Variants in PPFIA2 observed in about 807,000 individuals in gnomAD.
The protein encoded by PPFIA2 is PPFI scaffold protein A2, also known as liprin-alpha-2.
Under a neutral mutation model 175.5 loss-of-function variants are expected in PPFIA2, and 46 were observed. The ratio of observed to expected loss-of-function variants is 0.26; its 90% CI spans 0.21 to 0.34. PPFIA2 has a LOEUF of 0.34. Among genes scored for constraint, PPFIA2 ranks in the 10% least tolerant of loss-of-function variants. PPFIA2 has a pLI of 1.00. For synonymous variants in PPFIA2, 568 were observed against 511.4 expected (o/e 1.11, Z -1.49); for missense variants, 1,179 against 1,506.1 (o/e 0.78, Z 3.60).
intron 4 of PPFIA2, among the ~76,000 whole-genome samples, chr12:81,467,136 A>G (rs2055812308): frequency 1.3e-5 from 2 of 152,012 alleles, no homozygotes; most frequent in South Asian, 2.1e-4. Context: ...GAGTTCTACT[A>G]TATCATTAGC....
intron 5 of PPFIA2, among the ~76,000 whole-genome samples, chr12:81,453,102 G>C (rs918506439): frequency 6.7e-6 from 1 of 149,162 alleles, no homozygotes; most frequent in African/African-American, 2.5e-5. Flanking sequence ...CCACTAACTC[G>C]TCATCTAGCA....
At chr12:81,376,211 G>A (rs2141732158) in intron 9 of PPFIA2, among the ~76,000 whole-genome samples, 1 of 152,210 alleles carries the variant, frequency 6.6e-6, no homozygotes. Context: ...TGTAGAATTG[G>A]CATTCTTGTA....
intron 3 of PPFIA2, among the ~76,000 whole-genome samples, chr12:81,745,934 T>C (rs1460953491): frequency 6.7e-6 from 1 of 149,216 alleles, no homozygotes; most frequent in African/African-American, 2.4e-5. Context: ...GTAGACTATG[T>C]ACAACAAACA....
intron 4 of PPFIA2, among the ~76,000 whole-genome samples, chr12:81,560,979 T>G (rs1594951640): frequency 6.6e-6 from 1 of 152,148 alleles, no homozygotes; most frequent in African/African-American, 2.4e-5. Context: ...TTTAAATCAA[T>G]GAGCTTTGTT....
chr12:81,662,954 C>T (rs1596152913), intron 4 of PPFIA2, among the ~76,000 whole-genome samples: 2 of 152,290 alleles, frequency 1.3e-5, no homozygotes, highest in South Asian at 2.1e-4. Flanking sequence ...ACAAAAACCA[C>T]ATGATTATCT....
At chr12:81,359,483 C>CTAGTCTTT (rs1339906229) in intron 15 of PPFIA2, among the ~76,000 whole-genome samples, 2 of 151,556 alleles carry the variant, frequency 1.3e-5, no homozygotes, top group Non-Finnish European at 2.9e-5. Context: ...TCATAAAGGA[C>CTAGTCTTT]ACAACTCTGT....
At chr12:81,661,164 A>G (rs1356766326) in intron 4 of PPFIA2, among the ~76,000 whole-genome samples, 2 of 152,326 alleles carry the variant, frequency 1.3e-5, no homozygotes, top group East Asian at 3.9e-4. Flanking sequence ...ACCAGCTAAC[A>G]TCATAATGAC....
At chr12:81,490,978 G>C (rs1194774722) in intron 4 of PPFIA2, among the ~76,000 whole-genome samples, 1 of 151,886 alleles carries the variant, frequency 6.6e-6, no homozygotes, top group Non-Finnish European at 1.5e-5. Flanking sequence ...CTTCTGCCAT[G>C]TCCCATCTGA....
intron 4 of PPFIA2, among the ~76,000 whole-genome samples, chr12:81,636,002 A>G (rs1168549100): frequency 6.6e-6 from 1 of 152,152 alleles, no homozygotes; most frequent in East Asian, 1.9e-4. Flanking sequence ...TATTTATGCA[A>G]AACATTTTAC....
intron 4 of PPFIA2, among the ~76,000 whole-genome samples, chr12:81,642,639 T>G (rs200549712): frequency 3.4e-4 from 48 of 140,848 alleles, no homozygotes; most frequent in South Asian, 4.3e-4. Context: ...ATATCTATTA[T>G]ATACATACAT....
chr12:81,453,497 C>T (rs908395511), intron 5 of PPFIA2, among the ~76,000 whole-genome samples: 2 of 151,874 alleles, frequency 1.3e-5, no homozygotes, highest in African/African-American at 4.8e-5. Flanking sequence ...ATAAATATAA[C>T]CTTCTGTAAA....
intron 3 of PPFIA2, among the ~76,000 whole-genome samples, chr12:81,684,000 C>T (rs1177230550): frequency 6.6e-6 from 1 of 152,076 alleles, no homozygotes; most frequent in East Asian, 1.9e-4. Flanking sequence ...CAAGGGAGGG[C>T]ATTAATCTAT....
intron 22 of PPFIA2, among the ~76,000 whole-genome samples, chr12:81,299,788 A>C (rs1252240058): frequency 6.6e-6 from 1 of 152,148 alleles, no homozygotes; most frequent in Non-Finnish European, 1.5e-5. Context: ...CTCCATGGCA[A>C]AGAAAATGCT....
intron 9 of PPFIA2, among the ~76,000 whole-genome samples, chr12:81,380,494 ATTTGTTT>A (rs1303901229): frequency 6.6e-6 from 1 of 152,074 alleles, no homozygotes; most frequent in Non-Finnish European, 1.5e-5. Context: ...GTGCTAAGTA[ATTTGTTT>A]TTTAAGTACG....
intron 3 of PPFIA2, among the ~76,000 whole-genome samples, chr12:81,738,454 A>G (rs2081916567): frequency 6.6e-6 from 1 of 151,970 alleles, no homozygotes; most frequent in African/African-American, 2.4e-5. Context: ...AATGGTATAC[A>G]TGTGAATAAA....
chr12:81,333,704 T>C (rs1040967448), intron 21 of PPFIA2, among the ~76,000 whole-genome samples: 6 of 152,184 alleles, frequency 3.9e-5, no homozygotes, highest in African/African-American at 1.4e-4. Context: ...CATCCATTCT[T>C]TCTATTTTTG....
intron 7 of PPFIA2, among the ~76,000 whole-genome samples, chr12:81,431,616 A>G (rs545121576): frequency 1.3e-5 from 2 of 152,314 alleles, no homozygotes; most frequent in South Asian, 4.1e-4. Flanking sequence ...ACACTAAATA[A>G]TACCTGTGGT....
Position 81,261,820 on chromosome 12 carries a change from C to T in PPFIA2, c.*33+129G>A, listed in dbSNP as rs1243799476. On this transcript the variant is annotated intron_variant, in intron 32 of 32. Coordinates refer to ENST00000549396, the MANE Select transcript of PPFIA2 (RefSeq NM_003625.5). ...ATGAAGATTTCTTTTTCCCCTGAAG[C>T]AATTCAAAAGGGTTATCTCATTTCT... 20 of 587,826 alleles carry T rather than the reference C, an allele frequency of 3.4e-5. No homozygotes were observed. In the East Asian group the frequency reaches 4.8e-4, roughly 14 times the overall value. The allele number at this position is 587,826 out of a possible 1,614,324, so 36.4% of individuals were successfully genotyped here.
chr12:81,733,923 C>G (rs1025550089), intron 3 of PPFIA2, among the ~76,000 whole-genome samples: 21 of 151,624 alleles, frequency 1.4e-4, no homozygotes, highest in African/African-American at 4.4e-4. Context: ...CCAGGATAAC[C>G]TACATGTCTA....
Sources: gnomAD v4.1 joint callset for allele counts (sites outside exome capture counted in the v4.1 genomes callset) on GRCh38, gnomAD v4.1.1 for gene constraint, MANE v1.5 for transcripts, NCBI Gene and HGNC (gene_info 2026-07-23, HGNC 2026-07-21) for gene names.